Variants in IQCJ observed in about 807,000 individuals in gnomAD.
The protein encoded by IQCJ is IQ motif containing J.
Under a neutral mutation model 11.0 loss-of-function variants are expected in IQCJ, and 9 were observed. That is an observed-to-expected ratio of 0.82 (90% confidence interval 0.49 to 1.43). The LOEUF is 1.43. Among genes scored for constraint, IQCJ ranks in the 40% most tolerant of loss-of-function variants. The probability of loss-of-function intolerance (pLI) is 0.00; values close to 1 mark genes in which losing one functional copy is unlikely to be tolerated. For missense variants in IQCJ, 146 were observed against 133.2 expected, an observed-to-expected ratio of 1.10 and a Z score of -0.47; for synonymous variants, 55 against 51.3, an observed-to-expected ratio of 1.07 and a Z score of -0.31.
downstream of IQCJ, chr3:159,265,953 G>A (rs1230477553): frequency 1.3e-5 from 2 of 152,256 alleles, no homozygotes; most frequent in Non-Finnish European, 2.9e-5. Flanking sequence ...GTTTTGGCTA[G>A]GCCTAGTGGT....
At chr3:159,114,313 G>GTTT (rs548777411) in intron 1 of IQCJ, among the ~76,000 whole-genome samples, 38,565 of 142,658 alleles carry the variant, frequency 0.27, 6,134 homozygotes, top group South Asian at 0.4. Flanking sequence ...GTTTCTAAAT[G>GTTT]TTTTTTTTTT....
At chr3:159,196,993 C>T (rs768006214) in intron 1 of IQCJ, among the ~76,000 whole-genome samples, 18 of 147,796 alleles carry the variant, frequency 1.2e-4, no homozygotes, top group Non-Finnish European at 2.7e-4. Flanking sequence ...AAGATGAAAA[C>T]AAATGTTGAT....
At position 159,096,327 on chromosome 3, in the gene IQCJ, C is replaced by A. The variant is rs1405347578; in HGVS notation, c.9+26886C>A. Among the ~76,000 whole-genome samples the A allele has an allele frequency of 2.0e-5, 3 of 150,836 alleles. No individual in the cohort carries two copies. The East Asian group carries it at 5.9e-4, about 29-fold the overall frequency. On this transcript the variant is annotated intron_variant, in intron 1 of 3. Coordinates refer to ENST00000397832, the MANE Select transcript of IQCJ (RefSeq NM_001042706.3). Reference sequence around the variant, plus strand: ...CCATTTTATAGGTTGCCTGTTCACTCTGATGGTAGTTTCTTTTGCTGTGCA... The same window carrying A: ...CCATTTTATAGGTTGCCTGTTCACTATGATGGTAGTTTCTTTTGCTGTGCA...
At chr3:159,189,006 G>T (rs536785239) in intron 1 of IQCJ, among the ~76,000 whole-genome samples, 19 of 152,226 alleles carry the variant, frequency 1.2e-4, no homozygotes, top group Non-Finnish European at 5.9e-5. Flanking sequence ...GATGGGGTTG[G>T]GAGAGGGAAT....
chr3:159,165,205 A>G (rs1200766144), intron 1 of IQCJ, among the ~76,000 whole-genome samples: 1 of 152,252 alleles, frequency 6.6e-6, no homozygotes, highest in Non-Finnish European at 1.5e-5. Flanking sequence ...CTAGGGACAC[A>G]TACCCTAAGC....
intron 1 of IQCJ, among the ~76,000 whole-genome samples, chr3:159,207,995 T>A (rs1724751419): frequency 6.6e-6 from 1 of 152,216 alleles, no homozygotes; most frequent in Admixed American, 6.5e-5. Context: ...ATCATTATTT[T>A]AAAATTTATC....
At chr3:159,260,089 A>G (rs1728115267) in intron 3 of IQCJ, among the ~76,000 whole-genome samples, 1 of 152,186 alleles carries the variant, frequency 6.6e-6, no homozygotes, top group African/African-American at 2.4e-5. Flanking sequence ...TAGGAAGAAA[A>G]TAATGTTGTC....
intron 1 of IQCJ, among the ~76,000 whole-genome samples, chr3:159,146,472 C>T (rs1720933737): frequency 6.6e-6 from 1 of 152,112 alleles, no homozygotes; most frequent in Non-Finnish European, 1.5e-5. Context: ...AGGGGTATTC[C>T]ATTCCTTCAC....
chr3:159,088,480 T>C (rs964695523), intron 1 of IQCJ, among the ~76,000 whole-genome samples: 5 of 152,222 alleles, frequency 3.3e-5, no homozygotes, highest in African/African-American at 4.8e-5. Flanking sequence ...TCCTTGTTGA[T>C]TTTCTGTCTC....
At chr3:159,211,500 GA>G (rs1301930683) in intron 1 of IQCJ, among the ~76,000 whole-genome samples, 1 of 152,190 alleles carries the variant, frequency 6.6e-6, no homozygotes, top group Non-Finnish European at 1.5e-5. Context: ...CTCTGTAGAT[GA>G]GGGACAAGTT....
intron 1 of IQCJ, among the ~76,000 whole-genome samples, chr3:159,167,265 C>T (rs1396359062): frequency 6.6e-6 from 1 of 152,140 alleles, no homozygotes; most frequent in Non-Finnish European, 1.5e-5. Context: ...TCTCATTTGC[C>T]TCCCTATAGC....
chr3:159,161,558 G>A (rs369664024), intron 1 of IQCJ, among the ~76,000 whole-genome samples: 2 of 152,064 alleles, frequency 1.3e-5, no homozygotes, highest in African/African-American at 2.4e-5. Context: ...GTCAATTTTG[G>A]CTTTTGTTGC....
chr3:159,069,859 GTGTGTGTGTGTGT>G (rs1715438113), intron 1 of IQCJ: 3 of 342,168 alleles, frequency 8.8e-6, no homozygotes, highest in South Asian at 7.0e-5. Flanking sequence ...GTGTGTGTGT[GTGTGTGTGTGTGT>G]GTGTGTGTGT....
At chr3:159,214,204 C>G (rs1324975774) in intron 1 of IQCJ, among the ~76,000 whole-genome samples, 3 of 152,184 alleles carry the variant, frequency 2.0e-5, no homozygotes, top group Non-Finnish European at 2.9e-5. Flanking sequence ...TCTGTTCACT[C>G]TCCCTCCTTC....
chr3:159,170,983 T>C (rs1722454776), intron 1 of IQCJ, among the ~76,000 whole-genome samples: 1 of 152,238 alleles, frequency 6.6e-6, no homozygotes, highest in Non-Finnish European at 1.5e-5. Flanking sequence ...CTTCATGTAC[T>C]TGTGGAAAAT....
chr3:159,084,088 G>A (rs1252128046), intron 1 of IQCJ, among the ~76,000 whole-genome samples: 2 of 152,002 alleles, frequency 1.3e-5, no homozygotes, highest in African/African-American at 4.8e-5. Context: ...ACTTGATTAA[G>A]CTTGGTGGAT....
chr3:159,159,822 ACT>A (rs564486416), intron 1 of IQCJ, among the ~76,000 whole-genome samples: 2 of 149,860 alleles, frequency 1.3e-5, no homozygotes, highest in Non-Finnish European at 3.0e-5. Flanking sequence ...TCTCTATATT[ACT>A]CTCTCTCTCT....
At chr3:159,094,441 TTTTTTTTACTATTGGAAG>T in intron 1 of IQCJ, among the ~76,000 whole-genome samples, 1 of 148,228 alleles carries the variant, frequency 6.7e-6, no homozygotes, top group African/African-American at 2.5e-5. Context: ...TTTTTTTTTT[TTTTTTTTACTATTGGAAG>T]TTTTAAATAT....
At chr3:159,244,136 A>T (rs1404274686) in intron 1 of IQCJ, among the ~76,000 whole-genome samples, 1 of 152,330 alleles carries the variant, frequency 6.6e-6, no homozygotes, top group South Asian at 2.1e-4. Context: ...CTTGTCAGAC[A>T]TGTACATGGA....
Sources: allele counts gnomAD v4.1 joint callset (sites outside exome capture counted in the v4.1 genomes callset), GRCh38; gene constraint gnomAD v4.1.1; transcripts MANE v1.5; gene names NCBI Gene and HGNC (gene_info 2026-07-23, HGNC 2026-07-21).